The following AUTS2 variants were observed in gnomAD, a reference collection of about 807,000 sequenced individuals.
AUTS2 encodes the protein activator of transcription and developmental regulator AUTS2, also known as autism susceptibility gene 2 protein.
AUTS2 carries 17 observed loss-of-function variants against 112.4 expected under a neutral mutation model. The observed-to-expected ratio is 0.15, with a 90% CI of 0.10 to 0.23. AUTS2 has a LOEUF of 0.23. Among genes scored for constraint, AUTS2 ranks in the 10% least tolerant of loss-of-function variants. The pLI is 1.00. For synonymous variants in AUTS2, 751 were observed against 702.7 expected, an observed-to-expected ratio of 1.07 and a Z score of -1.09; for missense variants, 1,510 against 1,701.6, an observed-to-expected ratio of 0.89 and a Z score of 1.98.
At chr7:70,120,031 G>A (rs978213657) in intron 3 of AUTS2, 4 of 152,096 alleles carry the variant, frequency 2.6e-5, no homozygotes, top group Admixed American at 2.0e-4. Context: ...TGGATTTAAG[G>A]AGTGTATACT....
chr7:70,007,500 A>G (rs768836015), intron 2 of AUTS2, among the ~76,000 whole-genome samples: 3 of 152,172 alleles, frequency 2.0e-5, no homozygotes, highest in South Asian at 2.1e-4. Flanking sequence ...ATCTGGTGGT[A>G]GTAGTAGTGG....
intron 4 of AUTS2, among the ~76,000 whole-genome samples, chr7:70,377,325 A>AATATAAATATAT (rs1301665368): frequency 3.8e-5 from 2 of 52,060 alleles, no homozygotes; most frequent in African/African-American, 6.9e-5. Flanking sequence ...AACAAATATA[A>AATATAAATATAT]ATATATATAT....
At chr7:70,707,111 T>C (rs1423899067) in intron 6 of AUTS2, among the ~76,000 whole-genome samples, 1 of 152,236 alleles carries the variant, frequency 6.6e-6, no homozygotes, top group Admixed American at 6.5e-5. Context: ...TAGCCTACCT[T>C]GTACCATATT....
intron 1 of AUTS2, among the ~76,000 whole-genome samples, chr7:69,726,115 A>T (rs1786500561): frequency 6.6e-6 from 1 of 152,220 alleles, no homozygotes. Context: ...GCAAATATAC[A>T]TACCCATGTA....
chr7:70,548,537 A>G (rs1026288661), intron 5 of AUTS2, among the ~76,000 whole-genome samples: 8 of 152,096 alleles, frequency 5.3e-5, no homozygotes, highest in African/African-American at 1.9e-4. Context: ...TTATAATTTT[A>G]ACTCTTACAT....
intron 4 of AUTS2, among the ~76,000 whole-genome samples, chr7:70,184,465 A>G (rs1441804923): frequency 6.6e-6 from 1 of 152,194 alleles, no homozygotes; most frequent in African/African-American, 2.4e-5. Flanking sequence ...CTCTTTCACT[A>G]GAATGCAAGA....
chr7:70,687,058 C>T (rs7776535), intron 5 of AUTS2, among the ~76,000 whole-genome samples: 4,239 of 152,160 alleles, frequency 0.028, 214 homozygotes, highest in African/African-American at 0.096. Context: ...CCCAACTCTG[C>T]CCCATGTTCA....
At position 69,853,247 on chromosome 7, in the gene AUTS2, A is replaced by G. The variant is rs181092491; in HGVS notation, c.310-46039A>G. Among the ~76,000 whole-genome samples, 114 of 152,264 alleles carry G rather than the reference A, an allele frequency of 7.5e-4. 1 individual carries two copies. The highest frequency in any genetic ancestry group is 4.4e-5 in the Non-Finnish European group (3 of 68,018). The stretch of plus-strand genomic sequence containing the variant: ...TGATAAAGGGGCATTTTAGTCTCCA[A>G]CTACCTTTTGTCTATTTCTCTTTTC... On this transcript the variant is annotated intron_variant, in intron 1 of 18. Coordinates refer to ENST00000342771, the MANE Select transcript of AUTS2 (RefSeq NM_015570.4).
At chr7:69,942,985 G>C (rs995085814) in intron 2 of AUTS2, among the ~76,000 whole-genome samples, 1 of 152,236 alleles carries the variant, frequency 6.6e-6, no homozygotes, top group Non-Finnish European at 1.5e-5. Context: ...TTTAAATCGG[G>C]ACCATATGTG....
intron 2 of AUTS2, among the ~76,000 whole-genome samples, chr7:69,939,671 T>C (rs923414627): frequency 3.3e-5 from 5 of 152,222 alleles, no homozygotes; most frequent in Non-Finnish European, 5.9e-5. Context: ...TTTCACTCAA[T>C]GGAGAGAGAA....
Position 70,118,123 on chromosome 7 carries a change from T to G in AUTS2, c.523-9T>G. On this transcript the variant is annotated splice_polypyrimidine_tract_variant and intron_variant, in intron 2 of 18. Transcript: ENST00000342771. The stretch of plus-strand genomic sequence containing the variant: ...CTTTTTCCTTTTTTCTCTTTTCTTT[T>G]GCCTTTAGCTCAAGCCAGGACAGAA... 1 of 1,577,676 alleles carries G rather than the reference T, an allele frequency of 6.3e-7. No homozygotes were observed. Among genetic ancestry groups the G allele is most frequent in the Non-Finnish European group, 8.6e-7 (1 of 1,169,106 alleles).
intron 2 of AUTS2, among the ~76,000 whole-genome samples, chr7:69,975,473 A>T (rs1473316805): frequency 1.3e-5 from 2 of 151,494 alleles, no homozygotes; most frequent in African/African-American, 2.4e-5. Flanking sequence ...TCTCTCTGGG[A>T]CTCTGAAGAC....
At chr7:70,742,861 A>G (rs1788198741) in intron 6 of AUTS2, among the ~76,000 whole-genome samples, 1 of 152,190 alleles carries the variant, frequency 6.6e-6, no homozygotes, top group African/African-American at 2.4e-5. Context: ...AGACTCTTAG[A>G]ACTGGAAAGG....
intron 5 of AUTS2, among the ~76,000 whole-genome samples, chr7:70,649,354 C>T (rs1422789557): frequency 3.9e-5 from 6 of 151,930 alleles, no homozygotes; most frequent in Admixed American, 6.5e-5. Flanking sequence ...GAGCCAAGAT[C>T]ATGCCCCTGC....
At chr7:70,561,315 C>A (rs1268484212) in intron 5 of AUTS2, among the ~76,000 whole-genome samples, 1 of 152,186 alleles carries the variant, frequency 6.6e-6, no homozygotes, top group Non-Finnish European at 1.5e-5. Context: ...AATAGAATGC[C>A]TCATCCAAAG....
chr7:70,774,049 G>A lies in AUTS2; in HGVS notation c.1852G>A (p.Ala618Thr), dbSNP rs1203289728. 1.3e-5 allele frequency: 21 copies of A among 1,614,000 alleles called. No individual in the cohort carries two copies. The highest frequency in any genetic ancestry group is 3.3e-5 in the South Asian group (3 of 91,084). The change falls in exon 12 of 19, where the codon GCT becomes ACT. Residue 618 changes from alanine (A) to threonine (T), a missense_variant. By Grantham distance (58) the Ala-to-Thr change is moderately conservative (BLOSUM62 0). Coordinates refer to ENST00000342771, the MANE Select transcript of AUTS2 (RefSeq NM_015570.4). ...QPKTSNPIDV[A>T]ARPGTVPHTL... ...GTAGACATCCAACCCTATCGATGTC[G>A]CTGCTCGGCCTGGGACAGTCCCACA...
rs34861688 is a variant in AUTS2 at position 70,495,235 on chromosome 7, TAAAAAAA to T, written c.690+59472_690+59478del. 1.6e-4 allele frequency among the ~76,000 whole-genome samples: 16 copies of T among 102,770 alleles called. No individual in the cohort carries two copies. In the South Asian group the frequency reaches 4.5e-3, roughly 29 times the overall value. 67.4% of individuals were successfully genotyped at this position (102,770 alleles called of 152,430 possible). ...CCTCTCCTGTGAATAACCTTTTCTT[TAAAAAAA>T]AAAAAAAAAAAAAAAAAGCTCAAGT... On this transcript the variant is annotated intron_variant, in intron 5 of 18. Coordinates refer to ENST00000342771, the MANE Select transcript of AUTS2 (RefSeq NM_015570.4).
rs567731089 is a variant in AUTS2 at position 70,591,645 on chromosome 7, C to G, written c.691-106924C>G. On this transcript the variant is annotated intron_variant, in intron 5 of 18. Coordinates refer to ENST00000342771, the MANE Select transcript of AUTS2 (RefSeq NM_015570.4). ...AACTCCTGACCTCAAGTGATTCTCC[C>G]GCCTCAGCCTCCGAAAGTGCTGGGG... is the stretch of plus-strand genomic sequence containing the variant. Among the ~76,000 whole-genome samples the G allele has an allele frequency of 8.5e-5, 13 of 152,266 alleles. No homozygotes were observed. In the South Asian group the frequency reaches 2.7e-3, roughly 32 times the overall value.
intron 5 of AUTS2, among the ~76,000 whole-genome samples, chr7:70,536,572 CTTTTTTTTTTT>C (rs34639179): frequency 1.2e-4 from 6 of 49,042 alleles, no homozygotes; most frequent in Admixed American, 9.3e-4. Context: ...GAAGCCAAGG[CTTTTTTTTTTT>C]TTTTTTTTTT....
Sources: gnomAD v4.1 joint callset for allele counts (sites outside exome capture counted in the v4.1 genomes callset) on GRCh38, gnomAD v4.1.1 for gene constraint, MANE v1.5 for transcripts, NCBI Gene and HGNC (gene_info 2026-07-23, HGNC 2026-07-21) for gene names.